Variants in FDFT1 observed in about 807,000 individuals in gnomAD.
FDFT1 encodes squalene synthase.
Under a neutral mutation model 46.8 loss-of-function variants are expected in FDFT1, and 68 were observed. The observed-to-expected ratio is 1.45, with a 90% CI of 1.19 to 1.78. The LOEUF (loss-of-function observed/expected upper bound fraction) is 1.78. FDFT1 is among the 40% of genes most tolerant of loss of function. The pLI, the probability that FDFT1 is intolerant of heterozygous loss-of-function variation, is 0.00. For synonymous variants in FDFT1, 351 were observed against 185.1 expected, an observed-to-expected ratio of 1.90 and a Z score of -7.28; for missense variants, 928 against 524.4, an observed-to-expected ratio of 1.77 and a Z score of -7.52.
At chr8:11,820,845 C>G (rs1355576022) in intron 3 of FDFT1, among the ~76,000 whole-genome samples, 1 of 152,242 alleles carries the variant, frequency 6.6e-6, no homozygotes, top group African/African-American at 2.4e-5. Flanking sequence ...ACGTCCTGCC[C>G]TGCTTTGGCT....
chr8:11,820,098 C>G (rs897202230), intron 3 of FDFT1, among the ~76,000 whole-genome samples: 2 of 152,136 alleles, frequency 1.3e-5, no homozygotes, highest in African/African-American at 4.8e-5. Context: ...TAACAGAGGC[C>G]CGTCAGCTGC....
upstream of FDFT1, among the ~76,000 whole-genome samples, chr8:11,800,135 C>T (rs1419459268): frequency 6.6e-6 from 1 of 151,118 alleles, no homozygotes; most frequent in Non-Finnish European, 1.5e-5. Flanking sequence ...TGGTTGGGCG[C>T]CTGTAATCCC....
At chr8:11,796,782 C>T (rs865893535) in intron 1 of FDFT1, among the ~76,000 whole-genome samples, 3 of 152,152 alleles carry the variant, frequency 2.0e-5, no homozygotes, top group South Asian at 4.1e-4. Flanking sequence ...CAGGCAAGCC[C>T]CAAATTGGGC....
At chr8:11,808,552 C>G (rs930789398) in intron 1 of FDFT1, 2 of 1,365,706 alleles carry the variant, frequency 1.5e-6, no homozygotes, top group Admixed American at 7.2e-5. Context: ...AAGGCCATGG[C>G]CCTCTTCAAG....
At chr8:11,830,145 C>G (rs1207511008) in intron 5 of FDFT1, 99 bp from the exon 6 acceptor site, 4 of 1,015,336 alleles carry the variant, frequency 3.9e-6, no homozygotes, top group East Asian at 2.4e-5. Flanking sequence ...GGCGCCCAGC[C>G]TGTATCATAG....
In FDFT1 at chr8:11,821,838, T is replaced by A. The variant is rs1809294215; in HGVS notation, c.470T>A (p.Phe157Tyr). 1.2e-6 allele frequency: 2 copies of A among 1,613,546 alleles called. No individual in the cohort carries two copies. The highest frequency in any genetic ancestry group is 1.7e-6 in the Non-Finnish European group (2 of 1,179,646). Residue 157 changes from phenylalanine to tyrosine, a missense_variant, in exon 4 of 8, where the codon TTT (phenylalanine) becomes TAT (tyrosine). By Grantham distance (22) the Phe-to-Tyr change is conservative (BLOSUM62 3). Transcript: ENST00000220584. ...AGAATGGGCATTGGGATGGCAGAGT[T>A]TTTGGATAAGCATGTGACCTCTGAA... ...CRRMGIGMAE[F>Y]LDKHVTSEQE...
In FDFT1 at chr8:11,809,745, G is replaced by A. The variant is rs1230886136; in HGVS notation, c.276G>A (p.Lys92=). 1 of 1,614,042 alleles carries A rather than the reference G, an allele frequency of 6.2e-7. No individual in the cohort carries two copies. The highest frequency in any genetic ancestry group is 1.3e-5 in the African/African-American group (1 of 74,922). ...LEDDMTISVE[K]KVPLLHNFHS... ...ATGACATGACCATCAGTGTGGAAAA[G>A]AAGGTCCCGCTGTTACACAACTTTC... Residue 92 remains lysine, a synonymous_variant, in exon 3 of 8, where the codon AAG becomes AAA. Transcript: ENST00000220584.
At position 11,806,790 on chromosome 8, in the gene FDFT1, A is replaced by T. The variant is rs73547708; in HGVS notation, c.100-2004A>T. Among the ~76,000 whole-genome samples the T allele has an allele frequency of 9.0e-3, 1,370 of 152,258 alleles. 14 individuals carry two copies. The highest frequency in any genetic ancestry group is 0.03 in the African/African-American group (1,249 of 41,536). On this transcript the variant is annotated intron_variant, in intron 1 of 7. Transcript: ENST00000220584. The stretch of plus-strand genomic sequence containing the variant: ...AAATCCTGCCTCTCGATATTTTGAG[A>T]AGGAAGGAGTTGGTGAATTGTTTTA...
rs376937465 is a variant in FDFT1 at position 11,826,706 on chromosome 8, C to T, written c.702+491C>T. Among the ~76,000 whole-genome samples, 12 of 152,104 alleles carry T rather than the reference C, an allele frequency of 7.9e-5. No individual in the cohort carries two copies. In the East Asian group the frequency reaches 1.2e-3, roughly 15 times the overall value. The stretch of plus-strand genomic sequence containing the variant: ...GGCAAGGGCTTGTAATCCCAGCTAC[C>T]TGGGAGGCTGAGGCAGGAGAATCGC... On this transcript the variant is annotated intron_variant, in intron 5 of 7. Transcript: ENST00000220584.
At chr8:11,832,559 A>AAAAAAAAAC (rs1810956510) in intron 7 of FDFT1, among the ~76,000 whole-genome samples, 1 of 146,116 alleles carries the variant, frequency 6.8e-6, no homozygotes, top group Non-Finnish European at 1.5e-5. Context: ...CTCAAAAAAA[A>AAAAAAAAAC]AAAAAAAAAA....
At chr8:11,801,616 G>C, upstream of FDFT1, 1 of 216,900 alleles carries the variant, frequency 4.6e-6, no homozygotes, top group Non-Finnish European at 9.4e-6. Flanking sequence ...CACCGCGCTC[G>C]GCTAGACCTG....
At chr8:11,795,802 T>G (rs556583766) in exon 1 of FDFT1, 1 of 151,948 alleles carries the variant, frequency 6.6e-6, no homozygotes, top group African/African-American at 2.4e-5. Flanking sequence ...GCTGTGACGG[T>G]CTGCAGCTTC....
At chr8:11,826,955 G>T (rs1285962572) in intron 5 of FDFT1, among the ~76,000 whole-genome samples, 2 of 152,204 alleles carry the variant, frequency 1.3e-5, no homozygotes, top group Non-Finnish European at 2.9e-5. Context: ...GAATTCTGCA[G>T]CAGGAAGGGG....
chr8:11,829,691 T>G (rs1054156188), intron 5 of FDFT1, among the ~76,000 whole-genome samples: 1 of 152,334 alleles, frequency 6.6e-6, no homozygotes, highest in South Asian at 2.1e-4. Flanking sequence ...CCTCGGGACA[T>G]GCTCCCCAAT....
intron 5 of FDFT1, among the ~76,000 whole-genome samples, chr8:11,829,091 C>T (rs531883527): frequency 3.9e-5 from 6 of 152,306 alleles, no homozygotes; most frequent in Non-Finnish European, 7.4e-5. Flanking sequence ...TTTCCAAGGT[C>T]GCTCCACCAT....
At chr8:11,808,111 G>A (rs755803096) in intron 1 of FDFT1, 3 of 298,988 alleles carry the variant, frequency 1.0e-5, no homozygotes, top group African/African-American at 2.2e-5. Flanking sequence ...CTGAAGTTGG[G>A]GGATTCTGGT....
upstream of FDFT1, chr8:11,797,985 A>T (rs1369105188): frequency 6.6e-6 from 1 of 152,296 alleles, no homozygotes; most frequent in East Asian, 1.9e-4. Context: ...ATTCTATGCC[A>T]GAAGGCTTGA....
chr8:11,828,580 T>C (rs10089520), intron 5 of FDFT1, among the ~76,000 whole-genome samples: 29,332 of 152,258 alleles, frequency 0.19, 3,099 homozygotes, highest in African/African-American at 0.27. Flanking sequence ...ATGTGATGCA[T>C]GAGCGTGAGC....
At position 11,826,186 on chromosome 8, in the gene FDFT1, C is replaced by CA; in HGVS notation, c.675dup (p.Gly226ArgfsTer16). ...CATCCGTGACTATCTGGAAGACCAG[C>CA]AAGGAGGAAGAGAGTTCTGGCCTCA... On this transcript the variant is annotated frameshift_variant, in exon 5 of 8. Transcript: ENST00000220584. LOFTEE classifies it high-confidence loss of function. The CA allele has an allele frequency of 6.3e-7, 1 of 1,578,976 alleles. No homozygotes were observed. The highest frequency in any genetic ancestry group is 1.7e-5 in the Admixed American group (1 of 59,090).
Sources: gnomAD v4.1 joint callset for allele counts (sites outside exome capture counted in the v4.1 genomes callset) on GRCh38, gnomAD v4.1.1 for gene constraint, MANE v1.5 for transcripts, NCBI Gene and HGNC (gene_info 2026-07-23, HGNC 2026-07-21) for gene names.